KLRG1: variants seen among roughly 807,000 people sequenced by gnomAD.
KLRG1 encodes the protein killer cell lectin like receptor G1, also known as killer cell lectin-like receptor subfamily G member 1.
Under a neutral mutation model 21.8 loss-of-function variants are expected in KLRG1, and 16 were observed. The ratio of observed to expected loss-of-function variants is 0.73; its 90% CI spans 0.50 to 1.11. The LOEUF is 1.11. Among genes scored for constraint, KLRG1 ranks in the 50% most tolerant of loss-of-function variants. The probability of loss-of-function intolerance (pLI) is 0.00; values close to 1 mark genes in which losing one functional copy is unlikely to be tolerated. For synonymous variants in KLRG1, 69 were observed against 75.9 expected, an observed-to-expected ratio of 0.91 and a Z score of 0.47; for missense variants, 173 against 218.3, an observed-to-expected ratio of 0.79 and a Z score of 1.31.
At chr12:9,061,833 C>T in the KLRG1 span, among the ~76,000 whole-genome samples, 238 of 152,056 alleles carry the variant, frequency 1.6e-3, 1 homozygote, top group African/African-American at 5.1e-3. Context: ...AATTACTTTA[C>T]GTTTCTTGAA....
intron 1 of KLRG1, among the ~76,000 whole-genome samples, chr12:8,959,674 A>G (rs1332636576): frequency 6.6e-6 from 1 of 152,154 alleles, no homozygotes; most frequent in African/African-American, 2.4e-5. Context: ...TATGACAAAT[A>G]GGGTACAACT....
the KLRG1 span, among the ~76,000 whole-genome samples, chr12:9,205,836 A>T: frequency 6.6e-6 from 1 of 152,192 alleles, no homozygotes; most frequent in Non-Finnish European, 1.5e-5. Flanking sequence ...GACTAGGAGG[A>T]GAGAATCCAA....
At chr12:9,183,813 A>G in the KLRG1 span, among the ~76,000 whole-genome samples, 1 of 152,218 alleles carries the variant, frequency 6.6e-6, no homozygotes, top group Non-Finnish European at 1.5e-5. Context: ...CTTTAGCTTA[A>G]CATTACTTAT....
At chr12:9,102,020 A>G in the KLRG1 span, among the ~76,000 whole-genome samples, 6 of 152,312 alleles carry the variant, frequency 3.9e-5, no homozygotes, top group Admixed American at 2.0e-4. Flanking sequence ...AGAGTAAATA[A>G]TCTCTAGAAA....
chr12:9,092,686 T>A, the KLRG1 span, among the ~76,000 whole-genome samples: 1 of 152,166 alleles, frequency 6.6e-6, no homozygotes. Flanking sequence ...CCACAGCCAT[T>A]ATGGAAAACA....
the KLRG1 span, among the ~76,000 whole-genome samples, chr12:9,122,991 C>T: frequency 6.2e-4 from 94 of 151,944 alleles, 1 homozygote; most frequent in East Asian, 0.016. Flanking sequence ...GTAATTTTTT[C>T]CATGTAATTA....
At chr12:9,208,342 T>A in the KLRG1 span, 7 of 1,612,096 alleles carry the variant, frequency 4.3e-6, no homozygotes, top group Non-Finnish European at 5.9e-6. Flanking sequence ...CTTTCCGCAT[T>A]GTGAGGGATA....
At chr12:9,155,019 C>T in the KLRG1 span, among the ~76,000 whole-genome samples, 1 of 152,086 alleles carries the variant, frequency 6.6e-6, no homozygotes, top group Non-Finnish European at 1.5e-5. Flanking sequence ...TTGATTTAGT[C>T]CTGTGGTACG....
chr12:9,214,309 C>T, the KLRG1 span, among the ~76,000 whole-genome samples: 1 of 151,916 alleles, frequency 6.6e-6, no homozygotes, highest in South Asian at 2.1e-4. Flanking sequence ...ATTGTTGTGA[C>T]TAATATGAAT....
At chr12:9,002,995 G>C (rs1260062381) in intron 3 of KLRG1, among the ~76,000 whole-genome samples, 1 of 151,158 alleles carries the variant, frequency 6.6e-6, no homozygotes, top group African/African-American at 2.4e-5. Flanking sequence ...GGTTTTGAAG[G>C]CCTCTTCCAA....
chr12:9,108,463 T>C, the KLRG1 span, among the ~76,000 whole-genome samples: 1 of 152,184 alleles, frequency 6.6e-6, no homozygotes, highest in Admixed American at 6.5e-5. Flanking sequence ...GTGTCGTAAA[T>C]ATGTCATAGA....
the KLRG1 span, chr12:9,079,270 T>A: frequency 4.3e-6 from 7 of 1,613,772 alleles, no homozygotes; most frequent in Middle Eastern, 3.3e-4. Flanking sequence ...TCCTGCCATA[T>A]CGCTCCCCAA....
At chr12:9,125,577 T>C in the KLRG1 span, among the ~76,000 whole-genome samples, 1 of 152,252 alleles carries the variant, frequency 6.6e-6, no homozygotes, top group Non-Finnish European at 1.5e-5. Flanking sequence ...GTAGACATTG[T>C]GTGCAACATG....
chr12:8,985,909 G>A (rs1470973699), upstream of KLRG1, among the ~76,000 whole-genome samples: 1 of 152,170 alleles, frequency 6.6e-6, no homozygotes, highest in African/African-American at 2.4e-5. Context: ...TCTGGGGAAG[G>A]TTTTAAGACC....
At chr12:9,195,295 A>G in the KLRG1 span, among the ~76,000 whole-genome samples, 24 of 152,288 alleles carry the variant, frequency 1.6e-4, no homozygotes, top group African/African-American at 5.8e-4. Flanking sequence ...TATTCCATAA[A>G]TGTTAGTTAC....
At chr12:9,172,776 ACTAT>A in the KLRG1 span, among the ~76,000 whole-genome samples, 5,869 of 152,310 alleles carry the variant, frequency 0.039, 384 homozygotes, top group African/African-American at 0.13. Context: ...AGAAGAGCTA[ACTAT>A]CCTAAATATA....
At chr12:9,066,776 G>A in the KLRG1 span, 1 of 152,216 alleles carries the variant, frequency 6.6e-6, no homozygotes, top group African/African-American at 2.4e-5. Flanking sequence ...GAACTGCAAA[G>A]TCTTTTCCAG....
chr12:8,956,599 C>T (rs937841352), intron 1 of KLRG1, among the ~76,000 whole-genome samples: 3 of 152,104 alleles, frequency 2.0e-5, no homozygotes, highest in East Asian at 1.9e-4. Context: ...GTGCCTGCCA[C>T]GACTTCCGGC....
At chr12:9,126,482 A>AT in the KLRG1 span, among the ~76,000 whole-genome samples, 1 of 152,102 alleles carries the variant, frequency 6.6e-6, no homozygotes, top group Non-Finnish European at 1.5e-5. Flanking sequence ...TAGAGGCTTA[A>AT]TTTTTTTCAG....
Sources: gnomAD v4.1 joint callset for allele counts (sites outside exome capture counted in the v4.1 genomes callset) on GRCh38, gnomAD v4.1.1 for gene constraint, MANE v1.5 for transcripts, NCBI Gene and HGNC (gene_info 2026-07-23, HGNC 2026-07-21) for gene names.